Variants in ATG10 observed in about 807,000 individuals in gnomAD.
ATG10 encodes the protein autophagy related 10.
ATG10 carries 30 observed loss-of-function variants against 32.1 expected under a neutral mutation model. That is an observed-to-expected ratio of 0.94 (90% CI 0.70 to 1.27). The LOEUF (loss-of-function observed/expected upper bound fraction) is 1.27. Ranked by LOEUF, ATG10 falls within the 50% of genes most tolerant of loss-of-function variation. The pLI, the probability that ATG10 is intolerant of heterozygous loss-of-function variation, is 0.00. For missense variants in ATG10, 233 were observed against 262.3 expected (o/e 0.89, Z 0.77); for synonymous variants, 87 against 91.5 (o/e 0.95, Z 0.28).
chr5:82,100,000 G>GTT (rs869311526), intron 3 of ATG10, among the ~76,000 whole-genome samples: 9,692 of 58,816 alleles, frequency 0.16, 3,158 homozygotes, highest in African/African-American at 0.19. Flanking sequence ...CTTTTTCTGT[G>GTT]TTTTTTTTTT....
intron 2 of ATG10, among the ~76,000 whole-genome samples, chr5:82,005,903 C>T (rs1397337748): frequency 3.9e-5 from 6 of 152,074 alleles, no homozygotes; most frequent in Non-Finnish European, 1.5e-5. Context: ...TAAAGAGCCT[C>T]TTCTCTCTGT....
chr5:82,140,724 A>G (rs1276290760), intron 3 of ATG10, among the ~76,000 whole-genome samples: 25 of 19,026 alleles, frequency 1.3e-3, no homozygotes, highest in South Asian at 6.8e-3. Flanking sequence ...TGGGAGGTGT[A>G]CCCAACAGCT....
intron 5 of ATG10, among the ~76,000 whole-genome samples, chr5:82,236,980 G>A (rs1746579143): frequency 6.6e-6 from 1 of 151,972 alleles, no homozygotes; most frequent in African/African-American, 2.4e-5. Flanking sequence ...ATCTGAACTG[G>A]TATTTCTTCT....
At chr5:82,228,190 A>G (rs1441081940) in intron 5 of ATG10, among the ~76,000 whole-genome samples, 2 of 151,910 alleles carry the variant, frequency 1.3e-5, no homozygotes, top group Non-Finnish European at 1.5e-5. Flanking sequence ...AGCCTGGGCA[A>G]CAGAGTGGGA....
At chr5:82,172,009 G>T (rs1425956095) in intron 4 of ATG10, among the ~76,000 whole-genome samples, 2 of 152,118 alleles carry the variant, frequency 1.3e-5, no homozygotes, top group Non-Finnish European at 2.9e-5. Flanking sequence ...GAGGTAAAAG[G>T]CACCAGGGCT....
At chr5:82,144,091 C>T (rs1244856318) in intron 3 of ATG10, among the ~76,000 whole-genome samples, 1 of 151,996 alleles carries the variant, frequency 6.6e-6, no homozygotes, top group African/African-American at 2.4e-5. Context: ...TCCATTTCAT[C>T]TTAATTGTTA....
At chr5:82,235,859 C>T (rs1746533884) in intron 5 of ATG10, among the ~76,000 whole-genome samples, 1 of 152,214 alleles carries the variant, frequency 6.6e-6, no homozygotes, top group Non-Finnish European at 1.5e-5. Context: ...TATAAAATCT[C>T]ATCAATATAC....
chr5:82,028,691 A>C (rs540654203), intron 2 of ATG10, among the ~76,000 whole-genome samples: 1 of 152,296 alleles, frequency 6.6e-6, no homozygotes, highest in East Asian at 1.9e-4. Context: ...ATGTCCGAGG[A>C]AAAGTTTTGT....
intron 3 of ATG10, among the ~76,000 whole-genome samples, chr5:82,058,906 C>T (rs1342616693): frequency 6.6e-6 from 1 of 152,100 alleles, no homozygotes; most frequent in East Asian, 1.9e-4. Context: ...CACTCTGACT[C>T]CAGATTGTAG....
intron 3 of ATG10, among the ~76,000 whole-genome samples, chr5:82,065,622 T>C (rs1763919699): frequency 6.6e-6 from 1 of 152,204 alleles, no homozygotes; most frequent in African/African-American, 2.4e-5. Context: ...CTTTATCAAT[T>C]TATGATTTTT....
chr5:82,042,663 C>G (rs1279746772), intron 2 of ATG10, among the ~76,000 whole-genome samples: 1 of 152,130 alleles, frequency 6.6e-6, no homozygotes, highest in Non-Finnish European at 1.5e-5. Context: ...GGTAAATGCT[C>G]CCATTCTAAA....
intron 1 of ATG10, among the ~76,000 whole-genome samples, chr5:81,983,775 C>A (rs1233451892): frequency 6.6e-6 from 1 of 151,586 alleles, no homozygotes; most frequent in African/African-American, 2.4e-5. Flanking sequence ...AGGGTCTCCT[C>A]ACTTCTCAGA....
intron 3 of ATG10, among the ~76,000 whole-genome samples, chr5:82,129,733 C>A (rs1766441456): frequency 6.6e-6 from 1 of 152,040 alleles, no homozygotes; most frequent in African/African-American, 2.4e-5. Context: ...CCCAGGGGGG[C>A]ATCTGCCAGA....
chr5:82,069,614 T>A (rs1441658201), intron 3 of ATG10, among the ~76,000 whole-genome samples: 1 of 152,150 alleles, frequency 6.6e-6, no homozygotes, highest in African/African-American at 2.4e-5. Flanking sequence ...TGCCAGAAAC[T>A]GATATCGCTT....
intron 4 of ATG10, among the ~76,000 whole-genome samples, chr5:82,165,526 C>A (rs1251859264): frequency 6.6e-6 from 1 of 152,192 alleles, no homozygotes; most frequent in African/African-American, 2.4e-5. Flanking sequence ...AGAAGAAATT[C>A]TCATAGACTC....
At chr5:82,251,984 A>AAG (rs550634899) in intron 5 of ATG10, among the ~76,000 whole-genome samples, 213 of 152,234 alleles carry the variant, frequency 1.4e-3, no homozygotes, top group African/African-American at 4.5e-3. Context: ...CAGAGACGGA[A>AAG]AGAGAGAGAG....
chr5:82,230,172 A>G (rs1255142310), intron 5 of ATG10, among the ~76,000 whole-genome samples: 1 of 152,166 alleles, frequency 6.6e-6, no homozygotes, highest in Admixed American at 6.5e-5. Context: ...TAAAGTCTTT[A>G]TGGAGTCTAT....
At chr5:82,070,468 A>G (rs1283230260) in intron 3 of ATG10, among the ~76,000 whole-genome samples, 1 of 152,174 alleles carries the variant, frequency 6.6e-6, no homozygotes, top group East Asian at 1.9e-4. Flanking sequence ...ATGAAAAAGA[A>G]GGGGAAAAAT....
chr5:82,144,435 A>G (rs1236016384), intron 3 of ATG10, among the ~76,000 whole-genome samples: 1 of 151,908 alleles, frequency 6.6e-6, no homozygotes, highest in Non-Finnish European at 1.5e-5. Flanking sequence ...TTGTTATTCA[A>G]TAAAAGGATT....
Sources: allele counts gnomAD v4.1 joint callset (sites outside exome capture counted in the v4.1 genomes callset), GRCh38; gene constraint gnomAD v4.1.1; transcripts MANE v1.5; gene names NCBI Gene and HGNC (gene_info 2026-07-23, HGNC 2026-07-21).